Variants in SDK1 observed in about 807,000 individuals in gnomAD.
SDK1 encodes the protein sidekick cell adhesion molecule 1, also known as protein sidekick-1.
SDK1 carries 157 observed loss-of-function variants against 245.5 expected under a neutral mutation model. That is an observed-to-expected ratio of 0.64 (90% CI 0.56 to 0.73). The LOEUF (loss-of-function observed/expected upper bound fraction) is 0.73. Ranked by LOEUF, SDK1 falls within the 30% of genes least tolerant of loss-of-function variation. The probability of loss-of-function intolerance (pLI) is 0.00; values close to 1 mark genes in which losing one functional copy is unlikely to be tolerated. For synonymous variants in SDK1, 1,647 were observed against 1,278.5 expected (o/e 1.29, Z -6.15); for missense variants, 3,583 against 3,002.3 (o/e 1.19, Z -4.52).
chr7:3,803,968 G>T (rs1439826081), intron 4 of SDK1, among the ~76,000 whole-genome samples: 2 of 152,044 alleles, frequency 1.3e-5, no homozygotes, highest in African/African-American at 4.8e-5. Context: ...GTTTCACCAT[G>T]TTAGCCAGGA....
At chr7:3,901,279 C>T (rs111719380) in intron 5 of SDK1, among the ~76,000 whole-genome samples, 2,203 of 152,086 alleles carry the variant, frequency 0.014, 47 homozygotes, top group African/African-American at 0.045. Flanking sequence ...CTCCGCCTCC[C>T]GGGTTCAAGC....
At chr7:4,087,212 G>T (rs1781479703) in intron 22 of SDK1, among the ~76,000 whole-genome samples, 1 of 152,034 alleles carries the variant, frequency 6.6e-6, no homozygotes, top group Admixed American at 6.6e-5. Context: ...TATGGAGTGA[G>T]GTATGAATCC....
chr7:4,204,567 G>C (rs973290400), intron 35 of SDK1, among the ~76,000 whole-genome samples: 1 of 152,228 alleles, frequency 6.6e-6, no homozygotes. Context: ...CCTGAGGTCA[G>C]TCTCTCCCAA....
In SDK1 at chr7:4,017,167, G is replaced by A. The variant is rs375357993; in HGVS notation, c.2421-4G>A. On this transcript the variant is annotated splice_polypyrimidine_tract_variant and splice_region_variant and intron_variant, in intron 16 of 44. Transcript: ENST00000404826. Reference sequence around the variant, plus strand: ...TATCGTGATGGGCTTCCTTCGTGGCGCAGGTACCGCCTGGCTGGCCTTCCC... The same window carrying A: ...TATCGTGATGGGCTTCCTTCGTGGCACAGGTACCGCCTGGCTGGCCTTCCC... 36 of 1,603,016 alleles carry A rather than the reference G, an allele frequency of 2.2e-5. No individual in the cohort carries two copies. Among genetic ancestry groups the A allele is most frequent in the African/African-American group, 8.0e-5 (6 of 74,608 alleles).
intron 1 of SDK1, among the ~76,000 whole-genome samples, chr7:3,522,029 C>G (rs1487908578): frequency 6.6e-6 from 1 of 152,046 alleles, no homozygotes; most frequent in East Asian, 1.9e-4. Flanking sequence ...CAGGCATCTT[C>G]TTATTTAGAT....
chr7:3,559,245 T>C (rs1320582792), intron 1 of SDK1, among the ~76,000 whole-genome samples: 1 of 152,218 alleles, frequency 6.6e-6, no homozygotes, highest in Non-Finnish European at 1.5e-5. Context: ...AGTAATTTAC[T>C]ATGATGAAGT....
At chr7:4,029,246 C>G (rs2128157700) in intron 17 of SDK1, among the ~76,000 whole-genome samples, 1 of 120,484 alleles carries the variant, frequency 8.3e-6, no homozygotes, top group East Asian at 2.1e-4. Flanking sequence ...AAGTCTCACT[C>G]TGTCATCCAG....
intron 17 of SDK1, among the ~76,000 whole-genome samples, chr7:4,040,784 G>T (rs905504330): frequency 2.0e-5 from 3 of 152,146 alleles, no homozygotes; most frequent in African/African-American, 7.2e-5. Flanking sequence ...CTCCCCCGCT[G>T]GTGCCTTGTT....
chr7:3,328,263 T>C (rs972792353), intron 1 of SDK1, among the ~76,000 whole-genome samples: 1 of 152,238 alleles, frequency 6.6e-6, no homozygotes, highest in Middle Eastern at 3.4e-3. Flanking sequence ...TATTGTGGTG[T>C]TATTTTGAAT....
At chr7:3,385,554 C>T (rs181068621) in intron 1 of SDK1, among the ~76,000 whole-genome samples, 1 of 152,070 alleles carries the variant, frequency 6.6e-6, no homozygotes, top group Admixed American at 6.5e-5. Context: ...CCCATCGCAC[C>T]TGCTGGTCTC....
In SDK1 at chr7:4,129,888, G is replaced by A. The variant is rs766146720; in HGVS notation, c.3940-20G>A. 1.6e-5 allele frequency: 26 copies of A among 1,612,702 alleles called. No homozygotes were observed. In the Middle Eastern group the frequency reaches 4.9e-4, roughly 31 times the overall value. On this transcript the variant is annotated intron_variant, in intron 26 of 44. Coordinates refer to ENST00000404826, the MANE Select transcript of SDK1 (RefSeq NM_152744.4). ...TGGCACCCGCCTCCTGATAACCCTC[G>A]TGCTGTGTCGATACCACAGATCCTG...
intron 44 of SDK1, among the ~76,000 whole-genome samples, chr7:4,247,686 G>A (rs532179255): frequency 3.9e-5 from 6 of 152,292 alleles, no homozygotes; most frequent in Middle Eastern, 3.4e-3. Context: ...TGTGCTGAGC[G>A]CTCGCTGCTG....
At chr7:3,333,098 G>A (rs1780111341) in intron 1 of SDK1, among the ~76,000 whole-genome samples, 1 of 152,156 alleles carries the variant, frequency 6.6e-6, no homozygotes, top group Admixed American at 6.5e-5. Context: ...TCACAGGTAT[G>A]CTGTCTAGGA....
intron 11 of SDK1, 92 bp downstream of exon 11, chr7:3,969,516 G>T: frequency 2.1e-6 from 2 of 941,380 alleles, no homozygotes; most frequent in Non-Finnish European, 2.9e-6. Flanking sequence ...ATGCCCTTGG[G>T]CTTGCTAATT....
chr7:3,501,332 C>T (rs1490660041), intron 1 of SDK1, among the ~76,000 whole-genome samples: 1 of 151,314 alleles, frequency 6.6e-6, no homozygotes, highest in Non-Finnish European at 1.5e-5. Flanking sequence ...CTGTTTTCTC[C>T]AACTTGCTCT....
chr7:3,965,518 C>T (rs1025270439), intron 9 of SDK1, among the ~76,000 whole-genome samples: 2 of 152,148 alleles, frequency 1.3e-5, no homozygotes, highest in African/African-American at 4.8e-5. Context: ...AATTAAAATA[C>T]CCTTAATGAA....
At chr7:3,691,608 A>G (rs1219991192) in intron 4 of SDK1, among the ~76,000 whole-genome samples, 1 of 143,390 alleles carries the variant, frequency 7.0e-6, no homozygotes, top group Admixed American at 7.1e-5. Flanking sequence ...AAGGAAAAAT[A>G]TGATTATCTA....
At chr7:4,010,634 G>T (rs1232823353) in intron 14 of SDK1, among the ~76,000 whole-genome samples, 1 of 152,186 alleles carries the variant, frequency 6.6e-6, no homozygotes, top group Non-Finnish European at 1.5e-5. Flanking sequence ...GCCTAACCAT[G>T]TGAGCCGACG....
At chr7:3,496,249 G>A (rs1782022105) in intron 1 of SDK1, among the ~76,000 whole-genome samples, 2 of 152,096 alleles carry the variant, frequency 1.3e-5, no homozygotes, top group Non-Finnish European at 1.5e-5. Context: ...GCATATCTGA[G>A]GCTCCCAGGA....
Sources: allele counts gnomAD v4.1 joint callset (sites outside exome capture counted in the v4.1 genomes callset), GRCh38; gene constraint gnomAD v4.1.1; transcripts MANE v1.5; gene names NCBI Gene and HGNC (gene_info 2026-07-23, HGNC 2026-07-21).